ERC2: variants seen among roughly 807,000 people sequenced by gnomAD.
ERC2 encodes ERC protein 2.
In ERC2, 42 loss-of-function variants were observed where a neutral mutation model predicts 114.8. The ratio of observed to expected loss-of-function variants is 0.37; its 90% CI spans 0.29 to 0.47. The LOEUF is 0.47. Among genes scored for constraint, ERC2 ranks in the 20% least tolerant of loss-of-function variants. The probability of loss-of-function intolerance (pLI) is 0.99; values close to 1 mark genes in which losing one functional copy is unlikely to be tolerated. For missense variants in ERC2, 939 were observed against 1,150.7 expected, an observed-to-expected ratio of 0.82 and a Z score of 2.66; for synonymous variants, 454 against 425.5, an observed-to-expected ratio of 1.07 and a Z score of -0.82.
intron 14 of ERC2, among the ~76,000 whole-genome samples, chr3:55,757,826 TAGTG>T (rs1198672008): frequency 6.6e-6 from 1 of 152,182 alleles, no homozygotes; most frequent in African/African-American, 2.4e-5. Flanking sequence ...TCAAAATTCT[TAGTG>T]AGTATTAACT....
chr3:56,010,787 C>G (rs1159890429), intron 8 of ERC2, among the ~76,000 whole-genome samples, 198 bp from the exon 9 acceptor site: 1 of 152,170 alleles, frequency 6.6e-6, no homozygotes, highest in Admixed American at 6.5e-5. Context: ...CAGCTTTTGA[C>G]TTGTTAATAA....
At chr3:55,889,519 A>G (rs529521413) in intron 13 of ERC2, among the ~76,000 whole-genome samples, 38 of 152,308 alleles carry the variant, frequency 2.5e-4, no homozygotes, top group African/African-American at 8.9e-4. Flanking sequence ...GAGACCCAGG[A>G]GCCCTGAGGC....
chr3:55,857,610 T>C (rs2061848118), intron 14 of ERC2, among the ~76,000 whole-genome samples: 1 of 152,118 alleles, frequency 6.6e-6, no homozygotes, highest in Non-Finnish European at 1.5e-5. Context: ...AAACCATGAC[T>C]AATAACTAGC....
intron 3 of ERC2, among the ~76,000 whole-genome samples, chr3:56,265,469 A>T (rs2053229555): frequency 6.6e-6 from 1 of 152,188 alleles, no homozygotes; most frequent in African/African-American, 2.4e-5. Context: ...TGAATGAAAG[A>T]CCTAAAAGTA....
chr3:55,919,505 C>G (rs912729555), intron 13 of ERC2, among the ~76,000 whole-genome samples: 2 of 152,092 alleles, frequency 1.3e-5, no homozygotes, highest in African/African-American at 4.8e-5. Context: ...ATGAATTGCC[C>G]AGTGATACAC....
chr3:56,184,622 C>T (rs2083480415), intron 3 of ERC2, among the ~76,000 whole-genome samples: 1 of 148,112 alleles, frequency 6.8e-6, no homozygotes, highest in Non-Finnish European at 1.5e-5. Context: ...GGTGGTAAGA[C>T]CTGAGTACAA....
chr3:56,227,131 A>C (rs1057019877), intron 3 of ERC2, among the ~76,000 whole-genome samples: 4 of 151,936 alleles, frequency 2.6e-5, no homozygotes, highest in Admixed American at 2.6e-4. Flanking sequence ...TCCTTTGCAA[A>C]TACCCTCACA....
chr3:56,333,044 C>A (rs543963690), intron 2 of ERC2, among the ~76,000 whole-genome samples: 9 of 152,326 alleles, frequency 5.9e-5, no homozygotes, highest in African/African-American at 1.7e-4. Flanking sequence ...GCTGCCAGAG[C>A]TTTTTCCAAT....
At chr3:56,260,910 G>T (rs1019502934) in intron 3 of ERC2, among the ~76,000 whole-genome samples, 8 of 152,118 alleles carry the variant, frequency 5.3e-5, no homozygotes, top group African/African-American at 1.9e-4. Context: ...TTTCTCTAAT[G>T]CTCCTCTGTG....
chr3:56,353,476 T>TA (rs2058626482), intron 2 of ERC2, among the ~76,000 whole-genome samples: 2 of 151,958 alleles, frequency 1.3e-5, no homozygotes, highest in Non-Finnish European at 2.9e-5. Flanking sequence ...TATGCAGCCA[T>TA]AAAAAATGAT....
chr3:55,872,023 A>C (rs1488923976), intron 14 of ERC2, among the ~76,000 whole-genome samples: 2 of 152,216 alleles, frequency 1.3e-5, no homozygotes, highest in African/African-American at 2.4e-5. Flanking sequence ...TAATCTAGGG[A>C]TGAGGCAAGG....
At chr3:55,731,255 C>T (rs2065237572) in intron 15 of ERC2, among the ~76,000 whole-genome samples, 1 of 152,208 alleles carries the variant, frequency 6.6e-6, no homozygotes, top group Non-Finnish European at 1.5e-5. Context: ...ACAGTTGCCA[C>T]AGCTCAACAA....
At chr3:55,960,840 C>T (rs1468670897) in intron 12 of ERC2, among the ~76,000 whole-genome samples, 1 of 151,720 alleles carries the variant, frequency 6.6e-6, no homozygotes, top group Non-Finnish European at 1.5e-5. Flanking sequence ...GCCTGTAAAA[C>T]CACCCATGTG....
At chr3:56,427,174 A>G (rs984915994) in intron 2 of ERC2, among the ~76,000 whole-genome samples, 48 of 152,032 alleles carry the variant, frequency 3.2e-4, no homozygotes, top group African/African-American at 1.1e-3. Context: ...AAAAAAAAAA[A>G]AAGAAAGTTT....
intron 13 of ERC2, among the ~76,000 whole-genome samples, chr3:55,898,729 T>C (rs997083944): frequency 3.9e-5 from 6 of 152,170 alleles, no homozygotes; most frequent in Admixed American, 3.9e-4. Flanking sequence ...ATTTTTTTTT[T>C]ACATTTTCCA....
chr3:55,675,903 C>CTTTCTTTT (rs2061776233), intron 17 of ERC2, among the ~76,000 whole-genome samples: 2 of 47,994 alleles, frequency 4.2e-5, no homozygotes, highest in Non-Finnish European at 7.0e-5. Context: ...TCTTTTCTTT[C>CTTTCTTTT]TTTTTTTTTT....
chr3:56,122,975 G>C (rs918611252), intron 6 of ERC2, among the ~76,000 whole-genome samples: 2 of 151,994 alleles, frequency 1.3e-5, no homozygotes, highest in Non-Finnish European at 2.9e-5. Context: ...ACCACCCCAA[G>C]AAAACACAAA....
intron 14 of ERC2, among the ~76,000 whole-genome samples, chr3:55,847,144 G>A (rs2061402847): frequency 6.6e-6 from 1 of 152,182 alleles, no homozygotes; most frequent in South Asian, 2.1e-4. Context: ...TTTATCAGAT[G>A]TGCCATTGGA....
chr3:55,524,282 G>A (rs567211116), intron 17 of ERC2, among the ~76,000 whole-genome samples: 1 of 152,192 alleles, frequency 6.6e-6, no homozygotes, highest in Non-Finnish European at 1.5e-5. Context: ...GTATGGGCTT[G>A]GTCATCTTCA....
Sources: allele counts gnomAD v4.1 joint callset (sites outside exome capture counted in the v4.1 genomes callset), GRCh38; gene constraint gnomAD v4.1.1; transcripts MANE v1.5; gene names NCBI Gene and HGNC (gene_info 2026-07-23, HGNC 2026-07-21).